Variants in SORCS3 observed in about 807,000 individuals in gnomAD.
The protein encoded by SORCS3 is sortilin related VPS10 domain containing receptor 3, also known as VPS10 domain-containing receptor SorCS3.
Under a neutral mutation model 146.3 loss-of-function variants are expected in SORCS3, and 57 were observed. That is an observed-to-expected ratio of 0.39 (90% CI 0.31 to 0.49). SORCS3 has a LOEUF of 0.49. Ranked by LOEUF, SORCS3 falls within the 20% of genes least tolerant of loss-of-function variation. The probability of loss-of-function intolerance (pLI) is 0.92; values close to 1 mark genes in which losing one functional copy is unlikely to be tolerated. For synonymous variants in SORCS3, 653 were observed against 618.5 expected, an observed-to-expected ratio of 1.06 and a Z score of -0.83; for missense variants, 1,341 against 1,575.5, an observed-to-expected ratio of 0.85 and a Z score of 2.52.
At chr10:104,959,973 C>T (rs900186017) in intron 3 of SORCS3, among the ~76,000 whole-genome samples, 1 of 152,176 alleles carries the variant, frequency 6.6e-6, no homozygotes, top group African/African-American at 2.4e-5. Flanking sequence ...GTTATTACAG[C>T]CTGGTCTCTT....
At chr10:104,720,661 C>T (rs867233836) in intron 1 of SORCS3, among the ~76,000 whole-genome samples, 24 of 152,238 alleles carry the variant, frequency 1.6e-4, no homozygotes, top group African/African-American at 4.8e-4. Context: ...TTTTAATGAT[C>T]GCCCTTCTAA....
intron 5 of SORCS3, among the ~76,000 whole-genome samples, chr10:105,061,295 CT>C (rs34217607): frequency 0.88 from 103,991 of 118,352 alleles, 45,631 homozygotes; most frequent in East Asian, 0.98. Flanking sequence ...AGTGGTGTTC[CT>C]TTTTTTTTTT....
At chr10:105,215,900 A>G (rs993352020) in intron 18 of SORCS3, among the ~76,000 whole-genome samples, 1 of 139,280 alleles carries the variant, frequency 7.2e-6, no homozygotes, top group Non-Finnish European at 1.5e-5. Context: ...TGAACAGAGC[A>G]ATGCTATTCT....
intron 7 of SORCS3, among the ~76,000 whole-genome samples, chr10:105,116,356 CAGATA>C (rs2055893415): frequency 2.0e-5 from 3 of 152,128 alleles, no homozygotes; most frequent in South Asian, 4.1e-4. Context: ...TATTCTGGTG[CAGATA>C]CAAGTCTTGA....
chr10:104,895,118 T>G (rs926755631), intron 2 of SORCS3, among the ~76,000 whole-genome samples: 1 of 152,220 alleles, frequency 6.6e-6, no homozygotes, highest in Non-Finnish European at 1.5e-5. Context: ...ACAGGAGCTG[T>G]CAGGGAGGAC....
At position 104,915,862 on chromosome 10, in the gene SORCS3, A is replaced by G. The variant is rs896865024; in HGVS notation, c.725A>G (p.Lys242Arg). The change falls in exon 3 of 27, where the codon AAG (lysine) becomes AGG (arginine). Residue 242 changes from lysine to arginine, a missense_variant. Coordinates refer to ENST00000369701, the MANE Select transcript of SORCS3 (RefSeq NM_014978.3). ...RSTDYGTTYE[K>R]LNDKVGLKTV... ...ACAGATTATGGCACCACCTATGAAAAGCTGAATGACAAAGTGGGTTTGAAG... is the reference window on the plus strand; with the variant it reads ...ACAGATTATGGCACCACCTATGAAAGGCTGAATGACAAAGTGGGTTTGAAG... 6.2e-6 allele frequency: 10 copies of G among 1,613,950 alleles called. No individual in the cohort carries two copies. In the African/African-American group the frequency reaches 1.2e-4, roughly 19 times the overall value.
intron 2 of SORCS3, among the ~76,000 whole-genome samples, chr10:104,883,905 C>CT (rs1441261370): frequency 6.6e-6 from 1 of 150,420 alleles, no homozygotes; most frequent in Non-Finnish European, 1.5e-5. Context: ...CCTGGGTTTT[C>CT]TTTTTCCTGT....
chr10:105,081,911 G>A (rs527785258), intron 5 of SORCS3, among the ~76,000 whole-genome samples: 57 of 152,194 alleles, frequency 3.7e-4, no homozygotes, highest in Non-Finnish European at 7.5e-4. Context: ...ATGGGACACA[G>A]GCAGGAAAGT....
At chr10:104,806,663 GA>G (rs1487334815) in intron 1 of SORCS3, among the ~76,000 whole-genome samples, 1 of 152,116 alleles carries the variant, frequency 6.6e-6, no homozygotes, top group Non-Finnish European at 1.5e-5. Flanking sequence ...AGGCTTTGTG[GA>G]AAAATGAGAA....
At chr10:104,907,109 G>A (rs1283243026) in intron 2 of SORCS3, among the ~76,000 whole-genome samples, 1 of 149,468 alleles carries the variant, frequency 6.7e-6, no homozygotes, top group African/African-American at 2.5e-5. Flanking sequence ...TCTTACTCTT[G>A]AATGCTGCTG....
intron 1 of SORCS3, among the ~76,000 whole-genome samples, chr10:104,797,823 A>G (rs1202234031): frequency 5.3e-5 from 8 of 152,310 alleles, no homozygotes; most frequent in African/African-American, 1.9e-4. Context: ...TTCCAAAGAT[A>G]AGAATCTTGG....
At chr10:104,778,831 C>G (rs925495828) in intron 1 of SORCS3, among the ~76,000 whole-genome samples, 2 of 152,078 alleles carry the variant, frequency 1.3e-5, no homozygotes, top group African/African-American at 4.8e-5. Flanking sequence ...CAGATGTGGA[C>G]CTGCAAAAGG....
rs2133623474 is a variant in SORCS3, at chr10:104,947,616, T to C, written c.796-29719T>C. 2.0e-5 allele frequency among the ~76,000 whole-genome samples: 3 copies of C among 152,174 alleles called. No homozygotes were observed. In the South Asian group the frequency reaches 6.2e-4, roughly 32 times the overall value. On this transcript the variant is annotated intron_variant, in intron 3 of 26. Transcript: ENST00000369701. ...TAGCACTGGATGTTGTATTTTTTGT[T>C]TGTTTGTTTTGTTGTTGTTGTTTTG...
At chr10:104,794,625 G>A (rs2017531704) in intron 1 of SORCS3, among the ~76,000 whole-genome samples, 1 of 131,198 alleles carries the variant, frequency 7.6e-6, no homozygotes, top group African/African-American at 2.8e-5. Flanking sequence ...GAGGGAGGGA[G>A]AGAGAGAGAG....
At chr10:105,230,535 G>A (rs2056760242) in intron 20 of SORCS3, among the ~76,000 whole-genome samples, 1 of 152,158 alleles carries the variant, frequency 6.6e-6, no homozygotes, top group Non-Finnish European at 1.5e-5. Flanking sequence ...TCATATCTTA[G>A]CCTTGACTGT....
intron 20 of SORCS3, among the ~76,000 whole-genome samples, chr10:105,232,067 A>T (rs2056768916): frequency 6.6e-6 from 1 of 152,048 alleles, no homozygotes; most frequent in South Asian, 2.1e-4. Context: ...ATGAGTTAGA[A>T]AATATTTTAT....
At chr10:105,252,138 T>C (rs994679805) in intron 22 of SORCS3, among the ~76,000 whole-genome samples, 3 of 152,190 alleles carry the variant, frequency 2.0e-5, no homozygotes, top group Non-Finnish European at 4.4e-5. Context: ...ATATTTTGGA[T>C]CATGTCTTTA....
intron 2 of SORCS3, among the ~76,000 whole-genome samples, chr10:104,914,167 A>G (rs2018999563): frequency 6.6e-6 from 1 of 152,108 alleles, no homozygotes; most frequent in Non-Finnish European, 1.5e-5. Flanking sequence ...TGAAACAGAG[A>G]TTTTGCTACA....
intron 2 of SORCS3, among the ~76,000 whole-genome samples, chr10:104,845,214 T>A (rs1200409794): frequency 6.6e-6 from 1 of 152,158 alleles, no homozygotes; most frequent in Non-Finnish European, 1.5e-5. Flanking sequence ...CATTTTTTTT[T>A]CTTGGTCCTT....
Sources: allele counts gnomAD v4.1 joint callset (sites outside exome capture counted in the v4.1 genomes callset), GRCh38; gene constraint gnomAD v4.1.1; transcripts MANE v1.5; gene names NCBI Gene and HGNC (gene_info 2026-07-23, HGNC 2026-07-21).